CPXM1: variants seen among roughly 807,000 people sequenced by gnomAD.
CPXM1 encodes carboxypeptidase X, M14 family member 1.
A neutral mutation model predicts 80.4 loss-of-function variants in CPXM1; 72 were observed. The observed-to-expected ratio is 0.90, with a 90% CI of 0.74 to 1.09. The LOEUF (loss-of-function observed/expected upper bound fraction) is 1.09, where lower values mean the gene tolerates loss of function less well. CPXM1 is among the 50% of genes least tolerant of loss of function. CPXM1 has a pLI of 0.00. For synonymous variants in CPXM1, 403 were observed against 405.6 expected (o/e 0.99, Z 0.08); for missense variants, 892 against 999.4 (o/e 0.89, Z 1.45).
chr20:2,795,851 G>A lies in CPXM1; in HGVS notation c.1468C>T (p.Pro490Ser), dbSNP rs756975018. ...RAVIKWMKRI[P>S]FVLSANLHGG... ...TGGAGGTTGGCACTTAGCACAAAGG[G>A]GATCCGCTTCATCCACTTGATTACT... The change falls in exon 11 of 14, where the codon CCC becomes TCC. Residue 490 changes from proline (P) to serine (S), a missense_variant. Physicochemically the swap from Pro to Ser is moderately conservative, Grantham distance 74. This residue lies in a region of CPXM1 where 874 missense variants were observed against 958.4 expected (regional missense o/e 0.91). Transcript: ENST00000380605. This position sits in a 1 kb window ranked among gnomAD's most constrained non-coding sequence, Gnocchi z 5.4. 39 of 1,612,076 alleles carry A rather than the reference G, an allele frequency of 2.4e-5. No homozygotes were observed. The highest frequency in any genetic ancestry group is 3.3e-5 in the Non-Finnish European group (39 of 1,179,840).
chr20:2,794,779 G>C lies in CPXM1; in HGVS notation c.1861-140C>G, dbSNP rs200732149. ...TTCCTAGGTGACACTACTTCTGGAAGAAAAAAAAAAAAGAAATCCTGATTG... is the reference window on the plus strand; with the variant it reads ...TTCCTAGGTGACACTACTTCTGGAACAAAAAAAAAAAAGAAATCCTGATTG... On this transcript the variant is annotated intron_variant, in intron 12 of 13. Coordinates refer to ENST00000380605, the MANE Select transcript of CPXM1 (RefSeq NM_019609.5). This position sits in a 1 kb window ranked among gnomAD's most constrained non-coding sequence, Gnocchi z 5.2. The C allele has an allele frequency of 2.2e-5, 11 of 509,366 alleles. No homozygotes were observed. The highest frequency in any genetic ancestry group is 1.4e-4 in the African/African-American group (7 of 49,240). 31.6% of individuals were successfully genotyped at this position (509,366 alleles called of 1,614,324 possible). A position where few individuals can be genotyped will look rare whatever the true frequency, so the allele number is the denominator to read the frequency against.
Position 2,794,486 on chromosome 20 carries a change from C to A in CPXM1, c.1963+51G>T, listed in dbSNP as rs1223102386. 1.9e-6 allele frequency: 3 copies of A among 1,613,448 alleles called. No individual in the cohort carries two copies. Among genetic ancestry groups the A allele is most frequent in the Non-Finnish European group, 2.5e-6 (3 of 1,179,644 alleles). Reference sequence around the variant, plus strand: ...CCAATTAATGATCTTCTGCTTCTTCCCGAGCCTCCAGCCCTCCAGCCCCTT... The same window carrying A: ...CCAATTAATGATCTTCTGCTTCTTCACGAGCCTCCAGCCCTCCAGCCCCTT... On this transcript the variant is annotated intron_variant, in intron 13 of 13. Transcript: ENST00000380605. The surrounding 1 kb of genome is among the most constrained non-coding windows in gnomAD (Gnocchi z 5.2).
chr20:2,796,798 G>T lies in CPXM1; in HGVS notation c.922-148C>A. ...GGTACAGGAGGGGAGCGGCAGCAGA[G>T]CCGGGAGGAAGGGGTAGGACTGGGG... is the stretch of plus-strand genomic sequence containing the variant. On this transcript the variant is annotated intron_variant, in intron 7 of 13. Coordinates refer to ENST00000380605, the MANE Select transcript of CPXM1 (RefSeq NM_019609.5). This position sits in a 1 kb window ranked among gnomAD's most constrained non-coding sequence, Gnocchi z 6.8. 2.4e-6 allele frequency: 3 copies of T among 1,247,882 alleles called. No homozygotes were observed. Among genetic ancestry groups the T allele is most frequent in the Non-Finnish European group, 3.3e-6 (3 of 899,824 alleles). 77.3% of individuals were successfully genotyped at this position (1,247,882 alleles called of 1,614,324 possible).
Position 2,798,205 on chromosome 20 carries a change from C to T in CPXM1, c.537G>A (p.Gly179=). Reference sequence around the variant, plus strand: ...TAACACCCGAGAAGCGGGTGGGGTGCCCAGCGTCCACCTGAAACCATGGAT... The same window carrying T: ...TAACACCCGAGAAGCGGGTGGGGTGTCCAGCGTCCACCTGAAACCATGGAT... ...DADPWFQVDA[G]HPTRFSGVIT... Residue 179 remains glycine, a synonymous_variant, in exon 4 of 14, where the codon GGG becomes GGA. Coordinates refer to ENST00000380605, the MANE Select transcript of CPXM1 (RefSeq NM_019609.5). The T allele has an allele frequency of 1.2e-6, 2 of 1,613,956 alleles. No homozygotes were observed. Among genetic ancestry groups the T allele is most frequent in the South Asian group, 2.2e-5 (2 of 91,088 alleles).
In CPXM1 at chr20:2,797,314, G is replaced by A; in HGVS notation, c.710C>T (p.Thr237Ile). Reference protein sequence around the residue: ...AVFPANSDPETPVLNLLPEPQ... With the variant: ...AVFPANSDPEIPVLNLLPEPQ... Reference sequence around the variant, plus strand: ...CTCCGGCAGGAGGTTCAGCACTGGAGTTTCTGGGTCTGAATTGGCAGGAAA... The same window carrying A: ...CTCCGGCAGGAGGTTCAGCACTGGAATTTCTGGGTCTGAATTGGCAGGAAA... Residue 237 changes from threonine (T) to isoleucine (I), a missense_variant, in exon 6 of 14, where the codon ACT (threonine) becomes ATT (isoleucine). Coordinates refer to ENST00000380605, the MANE Select transcript of CPXM1 (RefSeq NM_019609.5). 1 of 1,540,046 alleles carries A rather than the reference G, an allele frequency of 6.5e-7. No individual in the cohort carries two copies. Among genetic ancestry groups the A allele is most frequent in the South Asian group, 1.2e-5 (1 of 82,790 alleles).
rs751801505 is a variant in CPXM1 at position 2,798,873 on chromosome 20, G to C, written c.193C>G (p.Arg65Gly). The C allele has an allele frequency of 5.6e-6, 9 of 1,613,954 alleles. No individual in the cohort carries two copies. Among genetic ancestry groups the C allele is most frequent in the Non-Finnish European group, 7.6e-6 (9 of 1,179,946 alleles). The change falls in exon 2 of 14, where the codon CGG becomes GGG. Residue 65 changes from arginine to glycine, a missense_variant. By Grantham distance (125) the Arg-to-Gly change is moderately radical. Transcript: ENST00000380605. The stretch of plus-strand genomic sequence containing the variant: ...TTTTTCTTCTTGATGACTCGAATCC[G>C]GACATGCTGTTCTGAGGTCCCTTGG... The part of the protein sequence containing the change: ...TANGTSEQHV[R>G]IRVIKKKKVI...
At position 2,796,248 on chromosome 20, in the gene CPXM1, C is replaced by T. The variant is rs764133781; in HGVS notation, c.1241G>A (p.Arg414Gln). The part of the protein sequence containing the change: ...NPDGYEIAYH[R>Q]GSELVGWAEG... ...TGGCCCTCATGCTGGGTGGCCTACC[C>T]GGTGGTAGGCGATCTCATAGCCATC... Residue 414 changes from arginine (R) to glutamine (Q), a missense_variant and splice_region_variant, in exon 9 of 14, where the codon CGG becomes CAG. This residue lies in a region of CPXM1 where 874 missense variants were observed against 958.4 expected (regional missense o/e 0.91). Coordinates refer to ENST00000380605, the MANE Select transcript of CPXM1 (RefSeq NM_019609.5). This position sits in a 1 kb window ranked among gnomAD's most constrained non-coding sequence, Gnocchi z 6.8. 40 of 1,613,140 alleles carry T rather than the reference C, an allele frequency of 2.5e-5. No individual in the cohort carries two copies. Among genetic ancestry groups the T allele is most frequent in the Admixed American group, 1.3e-4 (8 of 59,964 alleles).
At position 2,795,564 on chromosome 20, in the gene CPXM1, C is replaced by CG. The variant is rs746438167; in HGVS notation, c.1720+34dup. The CG allele has an allele frequency of 1.9e-6, 3 of 1,601,686 alleles. No homozygotes were observed. Among genetic ancestry groups the CG allele is most frequent in the Non-Finnish European group, 2.6e-6 (3 of 1,171,468 alleles). ...GGCTGTCTTATCAGGGCGGGGGTTA[C>CG]GGGGCCAGGGCTAACTCCACCCTCA... On this transcript the variant is annotated intron_variant, in intron 11 of 13. Coordinates refer to ENST00000380605, the MANE Select transcript of CPXM1 (RefSeq NM_019609.5). This position sits in a 1 kb window ranked among gnomAD's most constrained non-coding sequence, Gnocchi z 5.4.
chr20:2,800,533 C>G lies in CPXM1; in HGVS notation c.40G>C (p.Ala14Pro). 1 of 1,356,808 alleles carries G rather than the reference C, an allele frequency of 7.4e-7. No homozygotes were observed. The highest frequency in any genetic ancestry group is 9.4e-7 in the Non-Finnish European group (1 of 1,060,478). 84.0% of individuals were successfully genotyped at this position (1,356,808 alleles called of 1,614,324 possible). A position where few individuals can be genotyped will look rare whatever the true frequency, so the allele number is the denominator to read the frequency against. ...LLLALAAFAP[A>P]VGPALGAPRN... ...GGCGCCCCCAGAGCCGGGCCGACGG[C>G]CGGCGCGAAGGCGGCCAGGGCGAGC... The change falls in exon 1 of 14, where the codon GCC (alanine) becomes CCC (proline). Residue 14 changes from alanine (A) to proline (P), a missense_variant. Physicochemically the swap from Ala to Pro is conservative, Grantham distance 27. This residue lies in a region of CPXM1 where 18 missense variants were observed against 41.1 expected (regional missense o/e 0.44). Coordinates refer to ENST00000380605, the MANE Select transcript of CPXM1 (RefSeq NM_019609.5).
Position 2,798,031 on chromosome 20 carries a change from G to A in CPXM1, c.618C>T (p.Val206=), listed in dbSNP as rs559017963. The A allele has an allele frequency of 1.2e-6, 2 of 1,614,154 alleles. No homozygotes were observed. Among genetic ancestry groups the A allele is most frequent in the African/African-American group, 2.7e-5 (2 of 75,032 alleles). Residue 206 remains valine, a synonymous_variant, in exon 5 of 14, where the codon GTC becomes GTT. Transcript: ENST00000380605. ...AGGTCCGACTGTCATTGCTGAACTG[G>A]ACCTTGTATGATGTGACCCAGTCAT... ...WRYDWVTSYK[V]QFSNDSRTWW...
At chr20:2,800,335 C>A in intron 1 of CPXM1, 66 bp downstream of exon 1, 1 of 1,381,460 alleles carries the variant, frequency 7.2e-7, no homozygotes, top group South Asian at 1.5e-5. Flanking sequence ...GGAGGGATCG[C>A]CCCACGGGGC....
Position 2,795,274 on chromosome 20 carries a change from G to C in CPXM1, c.1860+3C>G. On this transcript the variant is annotated splice_donor_region_variant and intron_variant, in intron 12 of 13. Coordinates refer to ENST00000380605, the MANE Select transcript of CPXM1 (RefSeq NM_019609.5). This position sits in a 1 kb window ranked among gnomAD's most constrained non-coding sequence, Gnocchi z 5.4. ...AGGCTGGGGGCCGGGACGCAGATCC[G>C]ACCTGCTCCAGGTAGGTGAGGAGGG... 3 of 1,613,428 alleles carry C rather than the reference G, an allele frequency of 1.9e-6. No individual in the cohort carries two copies. Among genetic ancestry groups the C allele is most frequent in the Non-Finnish European group, 2.5e-6 (3 of 1,179,826 alleles).
intron 5 of CPXM1, among the ~76,000 whole-genome samples, chr20:2,797,639 G>A (rs1035352226): frequency 1.6e-4 from 24 of 152,186 alleles, no homozygotes; most frequent in Admixed American, 7.2e-4. Context: ...TGTAAAAAGA[G>A]GTCCATGAGA....
rs895418144 is a variant in CPXM1, at chr20:2,796,483, G to A, written c.1046-40C>T. The A allele has an allele frequency of 6.2e-7, 1 of 1,613,272 alleles. No individual in the cohort carries two copies. The highest frequency in any genetic ancestry group is 8.5e-7 in the Non-Finnish European group (1 of 1,179,490). On this transcript the variant is annotated intron_variant, in intron 8 of 13. Transcript: ENST00000380605. The surrounding 1 kb of genome is among the most constrained non-coding windows in gnomAD (Gnocchi z 6.8). ...GGGCTTGCAGCGGGTTCATGCCTGG[G>A]GCCCTGCCCTGTGCCTACCTCTCCC...
rs768483572 is a variant in CPXM1 at position 2,798,134 on chromosome 20, A to G, written c.590+18T>C. 8 of 1,613,700 alleles carry G rather than the reference A, an allele frequency of 5.0e-6. No homozygotes were observed. In the South Asian group the frequency reaches 8.8e-5, roughly 18 times the overall value. On this transcript the variant is annotated intron_variant, in intron 4 of 13. Transcript: ENST00000380605. ...CAGTCCTTCTGTGACCTCCTGACCTAGGGTTAGTCTGCCTCACCTCCAGAC... is the reference window on the plus strand; with the variant it reads ...CAGTCCTTCTGTGACCTCCTGACCTGGGGTTAGTCTGCCTCACCTCCAGAC...
In CPXM1 at chr20:2,796,628, T is replaced by G. The variant is rs750933007; in HGVS notation, c.944A>C (p.Gln315Pro). The change falls in exon 8 of 14, where the codon CAA (glutamine) becomes CCA (proline). Residue 315 changes from glutamine (Q) to proline (P), a missense_variant. Around this residue, in one of 2 missense-constraint regions of CPXM1, gnomAD observed 874 missense variants for 958.4 expected, o/e 0.91. Coordinates refer to ENST00000380605, the MANE Select transcript of CPXM1 (RefSeq NM_019609.5). This position sits in a 1 kb window ranked among gnomAD's most constrained non-coding sequence, Gnocchi z 6.8. ...GTAGATGCGGGTGATGTTGGGGCATTGCTCTTGTACCTGCTTCATCAGCTG... is the reference window on the plus strand; with the variant it reads ...GTAGATGCGGGTGATGTTGGGGCATGGCTCTTGTACCTGCTTCATCAGCTG... ...MRKLMKQVQEQCPNITRIYSI... is the reference protein window; with the variant it reads ...MRKLMKQVQEPCPNITRIYSI... The G allele has an allele frequency of 2.5e-6, 4 of 1,614,042 alleles. No homozygotes were observed. In the African/African-American group the frequency reaches 5.3e-5, roughly 22 times the overall value.
Position 2,796,220 on chromosome 20 carries a change from G to A in CPXM1, c.1242+27C>T, listed in dbSNP as rs765089956. 3.7e-6 allele frequency: 6 copies of A among 1,611,546 alleles called. No homozygotes were observed. The highest frequency in any genetic ancestry group is 4.2e-6 in the Non-Finnish European group (5 of 1,178,398). ...GTCCAGCCACCAGGGCAGAAGGACA[G>A]AGTGGCCCTCATGCTGGGTGGCCTA... On this transcript the variant is annotated intron_variant, in intron 9 of 13. Coordinates refer to ENST00000380605, the MANE Select transcript of CPXM1 (RefSeq NM_019609.5). The surrounding 1 kb of genome is among the most constrained non-coding windows in gnomAD (Gnocchi z 6.8).
At chr20:2,800,336 C>G (rs1258953479) in intron 1 of CPXM1, 65 bp downstream of exon 1, 1 of 1,387,996 alleles carries the variant, frequency 7.2e-7, no homozygotes, top group East Asian at 2.9e-5. Flanking sequence ...GAGGGATCGC[C>G]CCACGGGGCA....
rs764567608 is a variant in CPXM1 at position 2,798,257 on chromosome 20, G to C, written c.485C>G (p.Ala162Gly). The change falls in exon 4 of 14, where the codon GCC becomes GGC. Residue 162 changes from alanine to glycine, a missense_variant. Physicochemically the swap from Ala to Gly is moderately conservative, Grantham distance 60 (BLOSUM62 0). This residue lies in a region of CPXM1 where 874 missense variants were observed against 958.4 expected (regional missense o/e 0.91). Transcript: ENST00000380605. ...GGCGTCCTGCTCCTCAGCACACCAGGCTCCATCATATAGATCGCCGTCCTC... is the reference window on the plus strand; with the variant it reads ...GGCGTCCTGCTCCTCAGCACACCAGCCTCCATCATATAGATCGCCGTCCTC... The part of the protein sequence containing the change: ...GLEDGDLYDG[A>G]WCAEEQDADP... 9 of 1,613,798 alleles carry C rather than the reference G, an allele frequency of 5.6e-6. No individual in the cohort carries two copies. Among genetic ancestry groups the C allele is most frequent in the East Asian group, 2.2e-5 (1 of 44,888 alleles).
Sources: allele counts gnomAD v4.1 joint callset (sites outside exome capture counted in the v4.1 genomes callset), GRCh38; gene constraint gnomAD v4.1.1; regional missense constraint gnomAD v4.1.1; non-coding constraint Gnocchi (gnomAD v3.1); transcripts MANE v1.5; gene names NCBI Gene and HGNC (gene_info 2026-07-23, HGNC 2026-07-21).